The following OSBPL10 variants were observed in gnomAD, a reference collection of about 807,000 sequenced individuals.
OSBPL10 encodes the protein oxysterol binding protein like 10.
A neutral mutation model predicts 81.7 loss-of-function variants in OSBPL10; 49 were observed. That is an observed-to-expected ratio of 0.60 (90% confidence interval 0.48 to 0.76). The LOEUF (loss-of-function observed/expected upper bound fraction) is 0.76. Among genes scored for constraint, OSBPL10 ranks in the 30% least tolerant of loss-of-function variants. The pLI is 0.00. For missense variants in OSBPL10, 923 were observed against 987.8 expected (o/e 0.93, Z 0.88); for synonymous variants, 419 against 383.6 (o/e 1.09, Z -1.08).
chr3:31,673,403 C>T (rs1016046523), intron 8 of OSBPL10, among the ~76,000 whole-genome samples: 2 of 152,180 alleles, frequency 1.3e-5, no homozygotes, highest in African/African-American at 4.8e-5. Flanking sequence ...TCTTCTTGAT[C>T]AACAGCCAGG....
chr3:32,062,624 C>T (rs12495773), intron 1 of OSBPL10, among the ~76,000 whole-genome samples: 54,896 of 93,038 alleles, frequency 0.59, 23,807 homozygotes, highest in East Asian at 0.84. Flanking sequence ...ATACAGAGCT[C>T]AAAAGGGGAC....
chr3:31,709,522 CTT>C lies in OSBPL10; in HGVS notation c.1096-7016_1096-7015del, dbSNP rs921056527. Among the ~76,000 whole-genome samples, 15 of 152,030 alleles carry C rather than the reference CTT, an allele frequency of 9.9e-5. 1 individual carries two copies. Among genetic ancestry groups the C allele is most frequent in the Admixed American group, 9.2e-4 (14 of 15,252 alleles). On this transcript the variant is annotated intron_variant, in intron 6 of 11. Coordinates refer to ENST00000396556, the MANE Select transcript of OSBPL10 (RefSeq NM_017784.5). Reference sequence around the variant, plus strand: ...GCATTCACAGGAAATAGCAGCATGTCTTTGTCTAATTTCTACATTTCTGATTA... The same window carrying C: ...GCATTCACAGGAAATAGCAGCATGTCTGTCTAATTTCTACATTTCTGATTA...
intron 1 of OSBPL10, among the ~76,000 whole-genome samples, chr3:31,945,312 A>G (rs1369345886): frequency 2.0e-5 from 3 of 152,186 alleles, no homozygotes; most frequent in Non-Finnish European, 2.9e-5. Context: ...ACAGTCCCCA[A>G]AGTCAACACC....
chr3:31,709,480 T>C (rs1457836148), intron 6 of OSBPL10: 1 of 152,184 alleles, frequency 6.6e-6, no homozygotes, highest in Non-Finnish European at 1.5e-5. Flanking sequence ...GGCGTTCCTT[T>C]AAAACATTCG....
At position 32,026,704 on chromosome 3, in the gene OSBPL10, C is replaced by T. The variant is rs747440895; in HGVS notation, n.298+19787G>A. 1.4e-4 allele frequency among the ~76,000 whole-genome samples: 21 copies of T among 152,340 alleles called. No homozygotes were observed. In the East Asian group the frequency reaches 3.7e-3, roughly 27 times the overall value. ...TCTGGGGAAATGACCGCCATACTAA[C>T]GCTCTCTTTGTTTCAAAATAGCCCA... On this transcript the variant is annotated intron_variant and non_coding_transcript_variant, in intron 2 of 3. Transcript: ENST00000479173.
intron 8 of OSBPL10, among the ~76,000 whole-genome samples, chr3:31,678,759 C>A (rs1356220995): frequency 2.1e-5 from 3 of 141,956 alleles, no homozygotes; most frequent in Non-Finnish European, 4.4e-5. Flanking sequence ...CAAGCACTTA[C>A]TCTGACTAAT....
At chr3:32,043,172 T>A (rs1699592661) in intron 2 of OSBPL10, among the ~76,000 whole-genome samples, 1 of 152,236 alleles carries the variant, frequency 6.6e-6, no homozygotes, top group African/African-American at 2.4e-5. Context: ...CCCCAAGGAA[T>A]GCATTCCTTC....
At position 31,829,972 on chromosome 3, in the gene OSBPL10, C is replaced by T. The variant is rs756505379; in HGVS notation, c.729+68G>A. Reference sequence around the variant, plus strand: ...CAAGACGGCGCAAAGGAAGAGGAGTCGGCAGAGCGACTGTCACAGCCCCCA... The same window carrying T: ...CAAGACGGCGCAAAGGAAGAGGAGTTGGCAGAGCGACTGTCACAGCCCCCA... On this transcript the variant is annotated intron_variant, in intron 4 of 11. Coordinates refer to ENST00000396556, the MANE Select transcript of OSBPL10 (RefSeq NM_017784.5). 114 of 1,443,088 alleles carry T rather than the reference C, an allele frequency of 7.9e-5. 1 individual carries two copies. The highest frequency in any genetic ancestry group is 4.2e-5 in the South Asian group (3 of 71,692). The allele number at this position is 1,443,088 out of a possible 1,614,324, so 89.4% of individuals were successfully genotyped here.
chr3:31,776,664 A>G (rs1036834973), intron 4 of OSBPL10, among the ~76,000 whole-genome samples: 4 of 152,250 alleles, frequency 2.6e-5, no homozygotes, highest in African/African-American at 9.6e-5. Context: ...GATAAACTTC[A>G]AAAACATTGT....
chr3:31,703,260 A>T (rs1246023146), intron 6 of OSBPL10, among the ~76,000 whole-genome samples: 1 of 152,144 alleles, frequency 6.6e-6, no homozygotes, highest in Non-Finnish European at 1.5e-5. Context: ...AGTATTAAGG[A>T]CTCTGGTTAC....
intron 1 of OSBPL10, among the ~76,000 whole-genome samples, chr3:31,926,931 G>A (rs1440367822): frequency 1.3e-5 from 2 of 152,056 alleles, no homozygotes; most frequent in South Asian, 2.1e-4. Flanking sequence ...CCAACATGGC[G>A]AAACCCTGTC....
intron 4 of OSBPL10, among the ~76,000 whole-genome samples, chr3:31,804,657 C>T (rs1699478854): frequency 6.6e-6 from 1 of 152,190 alleles, no homozygotes; most frequent in Non-Finnish European, 1.5e-5. Context: ...CCCACAGTGG[C>T]CATAACGTAA....
intron 1 of OSBPL10, among the ~76,000 whole-genome samples, chr3:31,978,653 G>A (rs573337307): frequency 6.6e-6 from 1 of 152,286 alleles, no homozygotes; most frequent in South Asian, 2.1e-4. Flanking sequence ...GATGCTTATG[G>A]AGTCAGTGGT....
upstream of OSBPL10, among the ~76,000 whole-genome samples, chr3:31,985,103 G>A (rs1332133987): frequency 6.6e-6 from 1 of 152,150 alleles, no homozygotes; most frequent in Non-Finnish European, 1.5e-5. Flanking sequence ...GCTGGGCGTG[G>A]TCATACACGC....
intron 1 of OSBPL10, among the ~76,000 whole-genome samples, chr3:31,910,929 T>G (rs527319854): frequency 6.6e-6 from 1 of 152,328 alleles, no homozygotes; most frequent in East Asian, 1.9e-4. Context: ...CCCAGCAGGC[T>G]GTCTTCTCAA....
chr3:31,737,529 G>A (rs1404646156), intron 5 of OSBPL10, among the ~76,000 whole-genome samples: 1 of 152,092 alleles, frequency 6.6e-6, no homozygotes, highest in Admixed American at 6.5e-5. Context: ...ATGCATCAAG[G>A]AATTATTATG....
chr3:32,077,049 G>A (rs961909995), intron 1 of OSBPL10, among the ~76,000 whole-genome samples: 1 of 152,136 alleles, frequency 6.6e-6, no homozygotes, highest in East Asian at 1.9e-4. Context: ...TGGCCAATTT[G>A]TTAGCCCTAC....
chr3:31,903,292 G>C (rs1184926486), intron 1 of OSBPL10, among the ~76,000 whole-genome samples: 1 of 151,332 alleles, frequency 6.6e-6, no homozygotes, highest in Admixed American at 6.6e-5. Flanking sequence ...TTATGATGGA[G>C]GCATTATTAT....
intron 4 of OSBPL10, among the ~76,000 whole-genome samples, chr3:31,789,361 G>T (rs1308583749): frequency 1.3e-5 from 2 of 152,164 alleles, no homozygotes; most frequent in African/African-American, 4.8e-5. Flanking sequence ...CTACCAAGGG[G>T]TCTTTCTTCA....
Sources: gnomAD v4.1 joint callset for allele counts (sites outside exome capture counted in the v4.1 genomes callset) on GRCh38, gnomAD v4.1.1 for gene constraint, MANE v1.5 for transcripts, NCBI Gene and HGNC (gene_info 2026-07-23, HGNC 2026-07-21) for gene names.